CEACAM3: variants seen among roughly 807,000 people sequenced by gnomAD.
CEACAM3 encodes cell adhesion molecule CEACAM3.
In CEACAM3, 32 loss-of-function variants were observed where a neutral mutation model predicts 30.1. That is an observed-to-expected ratio of 1.06 (90% CI 0.80 to 1.43). The LOEUF is 1.43. CEACAM3 is among the 40% of genes most tolerant of loss of function. CEACAM3 has a pLI of 0.00. For synonymous variants in CEACAM3, 134 were observed against 127.2 expected, an observed-to-expected ratio of 1.05 and a Z score of -0.36; for missense variants, 290 against 316.3, an observed-to-expected ratio of 0.92 and a Z score of 0.63.
intron 2 of CEACAM3, among the ~76,000 whole-genome samples, chr19:41,798,933 C>G (rs1291288410): frequency 6.6e-6 from 1 of 152,208 alleles, no homozygotes; most frequent in African/African-American, 2.4e-5. Context: ...ATTAGAGTCA[C>G]ACGAGGTCTC....
chr19:41,806,929 C>T (rs1479220425), intron 2 of CEACAM3, among the ~76,000 whole-genome samples: 12 of 151,928 alleles, frequency 7.9e-5, no homozygotes, highest in African/African-American at 2.9e-4. Flanking sequence ...CCTCGTGATA[C>T]GCCCGCCTCG....
intron 5 of CEACAM3, 130 bp downstream of exon 5, chr19:41,810,484 C>T: frequency 2.7e-6 from 3 of 1,120,578 alleles, no homozygotes; most frequent in Non-Finnish European, 3.9e-6. Flanking sequence ...AAGGCTAGCC[C>T]TGCCCTGGCC....
intron 3 of CEACAM3, 147 bp downstream of exon 3, chr19:41,809,077 C>A (rs892619343): frequency 8.1e-6 from 5 of 616,216 alleles, no homozygotes; most frequent in African/African-American, 3.8e-5. Flanking sequence ...CGGCTCCTCC[C>A]TCGTCAGCTC....
intron 2 of CEACAM3, among the ~76,000 whole-genome samples, chr19:41,801,203 G>T (rs901869401): frequency 2.0e-5 from 3 of 152,072 alleles, no homozygotes; most frequent in African/African-American, 7.2e-5. Context: ...AACAAGACTG[G>T]CTGTTCTGTT....
chr19:41,797,525 A>C, intron 1 of CEACAM3, 64 bp from the exon 2 acceptor site: 5 of 1,558,330 alleles, frequency 3.2e-6, no homozygotes, highest in Non-Finnish European at 4.3e-6. Context: ...CTCAGGACCC[A>C]GGGCCCCATC....
chr19:41,805,969 T>G (rs1041945413), intron 2 of CEACAM3, among the ~76,000 whole-genome samples: 2 of 152,050 alleles, frequency 1.3e-5, no homozygotes, highest in African/African-American at 4.8e-5. Flanking sequence ...CCCGCCCTCT[T>G]TCTAAGTTGG....
intron 1 of CEACAM3, 42 bp downstream of exon 1, chr19:41,796,783 C>T (rs2073106064): frequency 6.3e-7 from 1 of 1,586,798 alleles, no homozygotes; most frequent in Non-Finnish European, 8.6e-7. Context: ...GGAGGGATCA[C>T]AGAGAATGGC....
At chr19:41,810,411 G>T in intron 5 of CEACAM3, 57 bp downstream of exon 5, 1 of 1,539,082 alleles carries the variant, frequency 6.5e-7, no homozygotes, top group South Asian at 1.2e-5. Context: ...GCAGGCTCTG[G>T]GCAGAGGGAC....
intron 2 of CEACAM3, among the ~76,000 whole-genome samples, chr19:41,803,946 T>A (rs2073177780): frequency 1.3e-5 from 2 of 152,020 alleles, no homozygotes; most frequent in Non-Finnish European, 2.9e-5. Flanking sequence ...CCAGGCATGA[T>A]GACAGATGCC....
rs781891441 is a variant in CEACAM3 at position 41,810,890 on chromosome 19, T to C, written c.686T>C (p.Ile229Thr). 6.2e-7 allele frequency: 1 copy of C among 1,613,444 alleles called. No individual in the cohort carries two copies. The highest frequency in any genetic ancestry group is 8.5e-7 in the Non-Finnish European group (1 of 1,179,688). The change falls in exon 6 of 7, where the codon ATC (isoleucine) becomes ACC (threonine). Residue 229 changes from isoleucine (I) to threonine (T), a missense_variant. Transcript: ENST00000357396. Reference sequence around the variant, plus strand: ...CCCAACCCCAGGACAGCAGCTTCCATCTATGAGGTGAGTGTGGGCCACGGA... The same window carrying C: ...CCCAACCCCAGGACAGCAGCTTCCACCTATGAGGTGAGTGTGGGCCACGGA... ...PLPNPRTAAS[I>T]YEELLKHDTN... is the part of the protein sequence containing the mutation.
At position 41,798,130 on chromosome 19, in the gene CEACAM3, C is replaced by G. The variant is rs146432909; in HGVS notation, c.424+182C>G. The G allele has an allele frequency of 5.5e-4, 579 of 1,060,240 alleles. 1 individual carries two copies. The highest frequency in any genetic ancestry group is 2.8e-3 in the Middle Eastern group (9 of 3,158). The allele number at this position is 1,060,240 out of a possible 1,614,324, so 65.7% of individuals were successfully genotyped here. A position where few individuals can be genotyped will look rare whatever the true frequency, so the allele number is the denominator to read the frequency against. Reference sequence around the variant, plus strand: ...TCCACAGATCAGAATTCCTTTCCTGCATCCAGACCCTGCAGACACTCGCTG... The same window carrying G: ...TCCACAGATCAGAATTCCTTTCCTGGATCCAGACCCTGCAGACACTCGCTG... On this transcript the variant is annotated intron_variant, in intron 2 of 6. Coordinates refer to ENST00000357396, the MANE Select transcript of CEACAM3 (RefSeq NM_001815.5).
Position 41,811,428 on chromosome 19 carries a change from C to G in CEACAM3, c.*191C>G. The G allele has an allele frequency of 1.7e-6, 1 of 597,006 alleles. No individual in the cohort carries two copies. The highest frequency in any genetic ancestry group is 3.0e-6 in the Non-Finnish European group (1 of 334,496). 37.0% of individuals were successfully genotyped at this position (597,006 alleles called of 1,614,324 possible). Reference sequence around the variant, plus strand: ...AGACCTCGACAGCCTGCCCTAGGCCCTGGGTGGGTCAGGACAAAGGCCTCT... The same window carrying G: ...AGACCTCGACAGCCTGCCCTAGGCCGTGGGTGGGTCAGGACAAAGGCCTCT... On this transcript the variant is annotated 3_prime_UTR_variant, in exon 7 of 7. Transcript: ENST00000357396.
intron 2 of CEACAM3, among the ~76,000 whole-genome samples, chr19:41,805,532 G>T (rs1206581672): frequency 1.3e-5 from 2 of 151,810 alleles, no homozygotes; most frequent in Non-Finnish European, 1.5e-5. Context: ...CAGGTGATCC[G>T]CCCGCCTCAG....
At position 41,810,117 on chromosome 19, in the gene CEACAM3, C is replaced by T. The variant is rs370080161; in HGVS notation, c.595+100C>T. The T allele has an allele frequency of 7.4e-5, 101 of 1,371,170 alleles. 1 individual carries two copies. The South Asian group carries it at 8.7e-4, about 12-fold the overall frequency. The allele number at this position is 1,371,170 out of a possible 1,614,324, so 84.9% of individuals were successfully genotyped here. ...TGCCAGGCAGACTCTGATCCTTTCC[C>T]GGGGGCTGCAAGGAGGATCTCATAA... On this transcript the variant is annotated intron_variant, in intron 4 of 6. Transcript: ENST00000357396.
At chr19:41,801,087 C>G (rs2073142810) in intron 2 of CEACAM3, among the ~76,000 whole-genome samples, 1 of 152,142 alleles carries the variant, frequency 6.6e-6, no homozygotes, top group African/African-American at 2.4e-5. Context: ...CTCTGGCTAT[C>G]TCTGCTACCC....
intron 2 of CEACAM3, among the ~76,000 whole-genome samples, chr19:41,807,996 A>G (rs2073217231): frequency 6.6e-6 from 1 of 152,250 alleles, no homozygotes; most frequent in Non-Finnish European, 1.5e-5. Context: ...CACTGGCCTC[A>G]GTACAATCAC....
chr19:41,809,146 C>T, intron 3 of CEACAM3: 1 of 466,932 alleles, frequency 2.1e-6, no homozygotes, highest in Non-Finnish European at 3.8e-6. Context: ...CCAATTAAGG[C>T]CCCACCCCTG....
At chr19:41,807,715 AC>A in intron 2 of CEACAM3, 1 of 813,248 alleles carries the variant, frequency 1.2e-6, no homozygotes. Context: ...TCTTCCACAG[AC>A]CAGGAGCTTC....
intron 2 of CEACAM3, among the ~76,000 whole-genome samples, chr19:41,803,174 T>C (rs2073165813): frequency 6.6e-6 from 1 of 152,196 alleles, no homozygotes; most frequent in South Asian, 2.1e-4. Flanking sequence ...CTCTGGTTAA[T>C]ACAGTAAAGG....
Sources: allele counts gnomAD v4.1 joint callset (sites outside exome capture counted in the v4.1 genomes callset), GRCh38; gene constraint gnomAD v4.1.1; transcripts MANE v1.5; gene names NCBI Gene and HGNC (gene_info 2026-07-23, HGNC 2026-07-21).